MDGA2: variants seen among roughly 807,000 people sequenced by gnomAD.
MDGA2 encodes the protein MAM domain containing glycosylphosphatidylinositol anchor 2.
A neutral mutation model predicts 117.8 loss-of-function variants in MDGA2; 40 were observed. The observed-to-expected ratio is 0.34, with a 90% CI of 0.26 to 0.44. The LOEUF is 0.44. Among genes scored for constraint, MDGA2 ranks in the 20% least tolerant of loss-of-function variants. The pLI, the probability that MDGA2 is intolerant of heterozygous loss-of-function variation, is 1.00. For synonymous variants in MDGA2, 452 were observed against 439.0 expected, an observed-to-expected ratio of 1.03 and a Z score of -0.37; for missense variants, 1,123 against 1,250.6, an observed-to-expected ratio of 0.90 and a Z score of 1.54.
intron 1 of MDGA2, among the ~76,000 whole-genome samples, chr14:47,638,543 C>T (rs1897364502): frequency 6.6e-6 from 1 of 152,148 alleles, no homozygotes; most frequent in Non-Finnish European, 1.5e-5. Context: ...TCAGCCTAAT[C>T]CTGCACCATT....
At chr14:47,297,603 G>A (rs564376003) in intron 2 of MDGA2, among the ~76,000 whole-genome samples, 1 of 152,186 alleles carries the variant, frequency 6.6e-6, no homozygotes, top group East Asian at 1.9e-4. Flanking sequence ...GTTTGTACTA[G>A]ATTGTTAGAT....
chr14:47,511,928 T>A (rs1486352453), intron 1 of MDGA2, among the ~76,000 whole-genome samples: 1 of 151,608 alleles, frequency 6.6e-6, no homozygotes, highest in Non-Finnish European at 1.5e-5. Flanking sequence ...GAAACAGGGG[T>A]TTGTGTGTGT....
At chr14:46,932,020 T>A (rs952977680) in intron 9 of MDGA2, among the ~76,000 whole-genome samples, 1 of 152,076 alleles carries the variant, frequency 6.6e-6, no homozygotes, top group Admixed American at 6.6e-5. Context: ...ACATAACCCA[T>A]AATTCGACAA....
chr14:47,421,039 A>T (rs1892567853), intron 1 of MDGA2, among the ~76,000 whole-genome samples: 1 of 152,116 alleles, frequency 6.6e-6, no homozygotes, highest in Non-Finnish European at 1.5e-5. Context: ...TACGATAGGA[A>T]GAGTGCCGCT....
At chr14:47,381,656 G>A (rs1277385465) in intron 1 of MDGA2, among the ~76,000 whole-genome samples, 1 of 152,090 alleles carries the variant, frequency 6.6e-6, no homozygotes, top group South Asian at 2.1e-4. Flanking sequence ...ACTTACAAGG[G>A]ATGTAAAGGA....
At chr14:46,852,850 C>T (rs1220042455) in intron 15 of MDGA2, among the ~76,000 whole-genome samples, 1 of 151,884 alleles carries the variant, frequency 6.6e-6, no homozygotes, top group Non-Finnish European at 1.5e-5. Context: ...ACTCAACTAT[C>T]TTCCCTGAAA....
intron 1 of MDGA2, among the ~76,000 whole-genome samples, chr14:47,375,332 C>A (rs1292498649): frequency 6.6e-6 from 1 of 151,942 alleles, no homozygotes; most frequent in Non-Finnish European, 1.5e-5. Context: ...CTTTATCTTC[C>A]TAAAACCCAC....
chr14:47,274,082 T>C (rs1888232764), intron 2 of MDGA2, among the ~76,000 whole-genome samples: 1 of 152,102 alleles, frequency 6.6e-6, no homozygotes, highest in South Asian at 2.1e-4. Flanking sequence ...ATTCATACCA[T>C]CCAACCTACC....
At chr14:47,514,519 T>C in intron 1 of MDGA2, among the ~76,000 whole-genome samples, 1 of 152,152 alleles carries the variant, frequency 6.6e-6, no homozygotes. Flanking sequence ...TGTTTTTCCA[T>C]AAATCACAAA....
intron 1 of MDGA2, among the ~76,000 whole-genome samples, chr14:47,645,685 C>A (rs1007655364): frequency 2.0e-5 from 3 of 151,956 alleles, no homozygotes; most frequent in African/African-American, 7.3e-5. Flanking sequence ...CTAGTACCAG[C>A]ACTAACAAAA....
chr14:47,410,245 T>A (rs1031110757), intron 1 of MDGA2, among the ~76,000 whole-genome samples: 1 of 152,154 alleles, frequency 6.6e-6, no homozygotes, highest in Non-Finnish European at 1.5e-5. Context: ...CCTTGTGTCT[T>A]GTAGTTTACT....
intron 1 of MDGA2, among the ~76,000 whole-genome samples, chr14:47,466,086 C>T (rs1032800726): frequency 2.0e-5 from 3 of 152,050 alleles, no homozygotes; most frequent in South Asian, 4.1e-4. Context: ...CCAAATACTG[C>T]ATGTTCTTAC....
intron 1 of MDGA2, among the ~76,000 whole-genome samples, chr14:47,633,011 T>G (rs1897265191): frequency 6.6e-6 from 1 of 152,200 alleles, no homozygotes; most frequent in Non-Finnish European, 1.5e-5. Flanking sequence ...ATATAAATGT[T>G]AAATGAGATA....
At chr14:46,990,711 T>C (rs868644135) in intron 8 of MDGA2, among the ~76,000 whole-genome samples, 5 of 151,974 alleles carry the variant, frequency 3.3e-5, no homozygotes, top group East Asian at 3.9e-4. Context: ...TAGATCCAGA[T>C]AGATAATAAA....
intron 1 of MDGA2, among the ~76,000 whole-genome samples, chr14:47,646,154 T>C (rs1897529979): frequency 1.3e-5 from 2 of 151,434 alleles, no homozygotes; most frequent in East Asian, 1.9e-4. Context: ...TTTTGAAATA[T>C]ACTCAATGTT....
chr14:46,881,009 A>AACACACACACAC (rs72117373), intron 11 of MDGA2, among the ~76,000 whole-genome samples: 9,320 of 145,546 alleles, frequency 0.064, 440 homozygotes, highest in Non-Finnish European at 0.1. Context: ...AACTATCACT[A>AACACACACACAC]ACACACACAC....
intron 8 of MDGA2, among the ~76,000 whole-genome samples, chr14:47,021,991 T>C (rs2138587643): frequency 6.6e-6 from 1 of 152,308 alleles, no homozygotes; most frequent in African/African-American, 2.4e-5. Context: ...TGAATTGCAG[T>C]ATCAAAAAAC....
intron 8 of MDGA2, among the ~76,000 whole-genome samples, chr14:47,029,728 C>T (rs1888594508): frequency 6.6e-6 from 1 of 152,078 alleles, no homozygotes; most frequent in Non-Finnish European, 1.5e-5. Flanking sequence ...AAAATTGTAG[C>T]ATATAATTTT....
At chr14:47,039,890 A>G (rs1262765578) in intron 7 of MDGA2, among the ~76,000 whole-genome samples, 1 of 151,310 alleles carries the variant, frequency 6.6e-6, no homozygotes, top group African/African-American at 2.4e-5. Flanking sequence ...AAATAACTAC[A>G]TATTAGCTCT....
Sources: allele counts gnomAD v4.1 joint callset (sites outside exome capture counted in the v4.1 genomes callset), GRCh38; gene constraint gnomAD v4.1.1; transcripts MANE v1.5; gene names NCBI Gene and HGNC (gene_info 2026-07-23, HGNC 2026-07-21).